The following NFIB variants were observed in gnomAD, a reference collection of about 807,000 sequenced individuals.
NFIB encodes the protein nuclear factor I B, also known as nuclear factor 1 B-type.
Under a neutral mutation model 61.5 loss-of-function variants are expected in NFIB, and 11 were observed. That is an observed-to-expected ratio of 0.18 (90% confidence interval 0.11 to 0.30). The LOEUF (loss-of-function observed/expected upper bound fraction) is 0.30, where lower values mean the gene tolerates loss of function less well. Ranked by LOEUF, NFIB falls within the 10% of genes least tolerant of loss-of-function variation. The pLI is 1.00. For missense variants in NFIB, 471 were observed against 608.9 expected (o/e 0.77, Z 2.38); for synonymous variants, 260 against 216.5 (o/e 1.20, Z -1.76).
At chr9:14,264,372 T>C (rs2057024837) in intron 2 of NFIB, among the ~76,000 whole-genome samples, 1 of 152,226 alleles carries the variant, frequency 6.6e-6, no homozygotes, top group Non-Finnish European at 1.5e-5. Context: ...GTCATTTGTT[T>C]TTTAATTCAA....
At chr9:14,261,865 T>C (rs1056002583) in intron 2 of NFIB, among the ~76,000 whole-genome samples, 2 of 152,116 alleles carry the variant, frequency 1.3e-5, no homozygotes, top group East Asian at 1.9e-4. Context: ...CCAGAGATAA[T>C]TGTTTTATTC....
intron 3 of NFIB, among the ~76,000 whole-genome samples, chr9:14,164,920 T>C (rs909749083): frequency 6.6e-6 from 1 of 152,136 alleles, no homozygotes; most frequent in Non-Finnish European, 1.5e-5. Context: ...ACAGCAAAGT[T>C]TGGGAATCAC....
At chr9:14,278,541 G>A (rs2058160682) in intron 2 of NFIB, among the ~76,000 whole-genome samples, 1 of 152,192 alleles carries the variant, frequency 6.6e-6, no homozygotes, top group Admixed American at 6.5e-5. Flanking sequence ...CAATGGCTGA[G>A]GAAAGAAAAG....
At chr9:14,393,465 C>G (rs1018976633) in intron 1 of NFIB, among the ~76,000 whole-genome samples, 1 of 152,144 alleles carries the variant, frequency 6.6e-6, no homozygotes, top group South Asian at 2.1e-4. Flanking sequence ...AAGCACAGTC[C>G]TATACTGAAG....
intron 1 of NFIB, among the ~76,000 whole-genome samples, chr9:14,364,776 G>T (rs2061280722): frequency 6.6e-6 from 1 of 152,132 alleles, no homozygotes; most frequent in South Asian, 2.1e-4. Flanking sequence ...CCAGAATTAG[G>T]ATAATTGGGC....
At chr9:14,109,057 G>T (rs2036967389) in intron 10 of NFIB, among the ~76,000 whole-genome samples, 1 of 152,006 alleles carries the variant, frequency 6.6e-6, no homozygotes, top group Non-Finnish European at 1.5e-5. Context: ...AGATTCTCTT[G>T]TATTAATACT....
intron 1 of NFIB, among the ~76,000 whole-genome samples, chr9:14,397,182 G>C (rs1379731911): frequency 6.6e-6 from 1 of 152,118 alleles, no homozygotes; most frequent in Non-Finnish European, 1.5e-5. Context: ...GAACAAATGA[G>C]AAAAAGCAAA....
intron 1 of NFIB, chr9:14,361,346 A>T (rs952723496): frequency 6.6e-6 from 1 of 152,162 alleles, no homozygotes; most frequent in Non-Finnish European, 1.5e-5. Flanking sequence ...TGGCATCAGT[A>T]AACTAACACC....
chr9:14,508,016 C>A, the NFIB span, among the ~76,000 whole-genome samples: 1 of 150,942 alleles, frequency 6.6e-6, no homozygotes, highest in Non-Finnish European at 1.5e-5. Context: ...ATATTCATGT[C>A]CTGAACCTGT....
In NFIB at chr9:14,370,808, G is replaced by C. The variant is rs142163307; in HGVS notation, c.108+27716C>G. Among the ~76,000 whole-genome samples, 15 of 152,294 alleles carry C rather than the reference G, an allele frequency of 9.8e-5. No homozygotes were observed. The East Asian group carries it at 2.7e-3, about 27-fold the overall frequency. On this transcript the variant is annotated intron_variant, in intron 1 of 8. Transcript: ENST00000380934. ...TCAATTTCTTTGTTTAAATGCTAAT[G>C]TCCAGGCTGGGCACAGTGGCTCATG... is the stretch of plus-strand genomic sequence containing the variant.
the NFIB span, among the ~76,000 whole-genome samples, chr9:14,408,847 T>A: frequency 3.3e-5 from 5 of 152,214 alleles, no homozygotes; most frequent in Non-Finnish European, 7.3e-5. Flanking sequence ...ATCATTTTTT[T>A]AATCCTCATA....
chr9:14,242,962 C>T (rs2054508025), intron 2 of NFIB, among the ~76,000 whole-genome samples: 2 of 152,100 alleles, frequency 1.3e-5, no homozygotes, highest in South Asian at 4.1e-4. Context: ...ATAAATGATG[C>T]ATGTTTGAAA....
At chr9:14,200,018 G>C (rs2048862829) in intron 2 of NFIB, among the ~76,000 whole-genome samples, 1 of 152,156 alleles carries the variant, frequency 6.6e-6, no homozygotes, top group South Asian at 2.1e-4. Context: ...CCTTACTGCT[G>C]CTGCTAACAG....
intron 3 of NFIB, among the ~76,000 whole-genome samples, chr9:14,166,771 G>C (rs891154198): frequency 6.6e-6 from 1 of 151,970 alleles, no homozygotes; most frequent in Admixed American, 6.6e-5. Context: ...AAGTATCTTG[G>C]GGTTGTCCTC....
chr9:14,511,292 T>C, the NFIB span, among the ~76,000 whole-genome samples: 1 of 152,086 alleles, frequency 6.6e-6, no homozygotes, highest in South Asian at 2.1e-4. Context: ...TTCTTTAAAT[T>C]TTTCCCATAT....
chr9:14,246,968 T>C (rs2055005470), intron 2 of NFIB, among the ~76,000 whole-genome samples: 1 of 150,940 alleles, frequency 6.6e-6, no homozygotes, highest in East Asian at 2.0e-4. Context: ...GTGCCTGATC[T>C]CTCTCTCTCT....
the NFIB span, among the ~76,000 whole-genome samples, chr9:14,474,275 C>A: frequency 3.9e-5 from 6 of 152,118 alleles, no homozygotes; most frequent in Admixed American, 6.5e-5. Flanking sequence ...TGAGGGTCCT[C>A]TTCCTGGTTC....
At chr9:14,352,891 G>GTT (rs2132918578) in intron 1 of NFIB, among the ~76,000 whole-genome samples, 1 of 152,328 alleles carries the variant, frequency 6.6e-6, no homozygotes, top group South Asian at 2.1e-4. Flanking sequence ...ACATCTGAGG[G>GTT]TTTGCATTGT....
intron 2 of NFIB, among the ~76,000 whole-genome samples, chr9:14,257,282 G>A (rs1167759502): frequency 6.6e-6 from 1 of 152,186 alleles, no homozygotes; most frequent in African/African-American, 2.4e-5. Flanking sequence ...CAAGGTGACA[G>A]CTGTGCCTTA....
Sources: gnomAD v4.1 joint callset for allele counts (sites outside exome capture counted in the v4.1 genomes callset) on GRCh38, gnomAD v4.1.1 for gene constraint, MANE v1.5 for transcripts, NCBI Gene and HGNC (gene_info 2026-07-23, HGNC 2026-07-21) for gene names.